DSCAM: variants seen among roughly 807,000 people sequenced by gnomAD.
DSCAM encodes the protein cell adhesion molecule DSCAM.
In DSCAM, 47 loss-of-function variants were observed where a neutral mutation model predicts 217.7. That is an observed-to-expected ratio of 0.22 (90% CI 0.17 to 0.28). DSCAM has a LOEUF of 0.28. DSCAM is among the 10% of genes least tolerant of loss of function. The pLI is 1.00. For missense variants in DSCAM, 2,080 were observed against 2,618.3 expected (o/e 0.79, Z 4.49); for synonymous variants, 1,056 against 1,015.3 (o/e 1.04, Z -0.76).
chr21:40,334,168 G>A (rs1266718909), intron 8 of DSCAM, among the ~76,000 whole-genome samples: 2 of 152,104 alleles, frequency 1.3e-5, no homozygotes, highest in Admixed American at 6.5e-5. Flanking sequence ...TCAGGCCTTG[G>A]TGTTGAACAT....
chr21:40,460,240 T>C lies in DSCAM; in HGVS notation c.509-90995A>G, dbSNP rs143899302. Among the ~76,000 whole-genome samples the C allele has an allele frequency of 1.5e-3, 235 of 152,226 alleles. 1 individual carries two copies. Among genetic ancestry groups the C allele is most frequent in the African/African-American group, 5.3e-3 (219 of 41,538 alleles). On this transcript the variant is annotated intron_variant, in intron 3 of 32. Transcript: ENST00000400454. ...CCACCATGGCACATATTTACCTATG[T>C]AACAAACCTGCACATCCTGCACAGG...
chr21:40,408,983 TC>T (rs1601620090), intron 3 of DSCAM, among the ~76,000 whole-genome samples: 1 of 152,256 alleles, frequency 6.6e-6, no homozygotes, highest in African/African-American at 2.4e-5. Flanking sequence ...TGTGTGGTTA[TC>T]TTTTTCTCTG....
chr21:40,507,066 G>A (rs1211569884), intron 3 of DSCAM, among the ~76,000 whole-genome samples: 1 of 152,118 alleles, frequency 6.6e-6, no homozygotes, highest in African/African-American at 2.4e-5. Flanking sequence ...ATCGCAAGGT[G>A]AGGAGTTAGA....
intron 4 of DSCAM, among the ~76,000 whole-genome samples, chr21:40,363,981 C>T (rs1296264934): frequency 6.6e-6 from 1 of 152,084 alleles, no homozygotes; most frequent in Non-Finnish European, 1.5e-5. Context: ...CAATGAGATA[C>T]CATCTTACAC....
rs186208496 is a variant in DSCAM at position 40,585,053 on chromosome 21, T to C, written c.508+107757A>G. Among the ~76,000 whole-genome samples, 13 of 152,190 alleles carry C rather than the reference T, an allele frequency of 8.5e-5. No individual in the cohort carries two copies. In the East Asian group the frequency reaches 2.5e-3, roughly 30 times the overall value. ...CTCGCTCTTGCTTCCTCTCTTGTCA[T>C]GTGGGAGGCCATGTCACCTTGCCTT... is the stretch of plus-strand genomic sequence containing the variant. On this transcript the variant is annotated intron_variant, in intron 3 of 32. Transcript: ENST00000400454.
Position 40,324,016 on chromosome 21 carries a change from T to C in DSCAM, c.1784-11657A>G, listed in dbSNP as rs577702203. ...TTACTTGGGAGGCTGAGGTAGAGAA[T>C]TGCTTGAACCCAGGAAGCAGAGATT... On this transcript the variant is annotated intron_variant, in intron 8 of 32. Transcript: ENST00000400454. Among the ~76,000 whole-genome samples the C allele has an allele frequency of 4.9e-5, 7 of 144,032 alleles. No individual in the cohort carries two copies. In the East Asian group the frequency reaches 8.3e-4, roughly 17 times the overall value. The allele number at this position is 144,032 out of a possible 152,430, so 94.5% of individuals were successfully genotyped here.
chr21:40,094,705 G>A (rs993122673), intron 20 of DSCAM, among the ~76,000 whole-genome samples: 2 of 152,158 alleles, frequency 1.3e-5, no homozygotes, highest in Admixed American at 6.5e-5. Flanking sequence ...CCACAAAGGG[G>A]AAATAATTAG....
At chr21:40,146,286 G>A (rs979132476) in intron 16 of DSCAM, among the ~76,000 whole-genome samples, 3 of 151,936 alleles carry the variant, frequency 2.0e-5, no homozygotes, top group Non-Finnish European at 4.4e-5. Context: ...GGCGGGGCAC[G>A]GCTCAGAGAA....
rs187053971 is a variant in DSCAM at position 40,571,757 on chromosome 21, A to C, written c.508+121053T>G. On this transcript the variant is annotated intron_variant, in intron 3 of 32. Coordinates refer to ENST00000400454, the MANE Select transcript of DSCAM (RefSeq NM_001389.5). ...CCAGTCCAAATATCCAAAATCTGAA[A>C]TATTCCCATTTTAGTAGAGATGAGG... Among the ~76,000 whole-genome samples, 20 of 152,294 alleles carry C rather than the reference A, an allele frequency of 1.3e-4. 1 individual carries two copies. The highest frequency in any genetic ancestry group is 1.3e-3 in the Admixed American group (20 of 15,294).
intron 11 of DSCAM, among the ~76,000 whole-genome samples, chr21:40,230,035 G>C (rs1223565135): frequency 6.6e-6 from 1 of 152,208 alleles, no homozygotes; most frequent in Admixed American, 6.5e-5. Context: ...TATTCTAATA[G>C]ATGCACAGTA....
chr21:40,674,622 T>A (rs1375218106), intron 3 of DSCAM, among the ~76,000 whole-genome samples: 1 of 101,436 alleles, frequency 9.9e-6, no homozygotes, highest in African/African-American at 3.6e-5. Context: ...TTCTTTTTCT[T>A]TTTCTTTTTC....
intron 3 of DSCAM, among the ~76,000 whole-genome samples, chr21:40,599,926 T>C (rs1350793567): frequency 6.6e-6 from 1 of 152,162 alleles, no homozygotes; most frequent in Admixed American, 6.5e-5. Flanking sequence ...AATCTCTGGA[T>C]AGACCAATAA....
chr21:40,158,416 A>C (rs1417117642), intron 16 of DSCAM, among the ~76,000 whole-genome samples: 1 of 152,158 alleles, frequency 6.6e-6, no homozygotes, highest in Non-Finnish European at 1.5e-5. Flanking sequence ...AAAACAAAAA[A>C]ACAAAAGAAA....
chr21:40,185,018 G>A (rs1474773636), intron 14 of DSCAM, among the ~76,000 whole-genome samples: 1 of 152,176 alleles, frequency 6.6e-6, no homozygotes, highest in Non-Finnish European at 1.5e-5. Flanking sequence ...CACATGTTGG[G>A]TGCGGTGCTG....
chr21:40,101,627 T>C (rs1415530470), intron 20 of DSCAM, among the ~76,000 whole-genome samples: 2 of 152,130 alleles, frequency 1.3e-5, no homozygotes, highest in Non-Finnish European at 2.9e-5. Flanking sequence ...ACCGATGTCA[T>C]GTAACAGGGG....
At chr21:40,650,386 G>C (rs914000732) in intron 3 of DSCAM, among the ~76,000 whole-genome samples, 2 of 152,240 alleles carry the variant, frequency 1.3e-5, no homozygotes, top group Non-Finnish European at 2.9e-5. Context: ...GTGTCAACTT[G>C]ACTGGGTTAA....
chr21:40,476,278 G>C (rs1346738738), intron 3 of DSCAM, among the ~76,000 whole-genome samples: 4 of 152,198 alleles, frequency 2.6e-5, no homozygotes, highest in African/African-American at 9.7e-5. Context: ...TCAACTCTGA[G>C]TTTGAGCTAC....
At chr21:40,053,346 C>CG (rs1568915237) in intron 29 of DSCAM, among the ~76,000 whole-genome samples, 3 of 152,196 alleles carry the variant, frequency 2.0e-5, no homozygotes, top group African/African-American at 7.2e-5. Flanking sequence ...GGCGGTCACT[C>CG]GACTCCTCAA....
At chr21:40,622,552 A>G (rs560151726) in intron 3 of DSCAM, among the ~76,000 whole-genome samples, 1 of 152,238 alleles carries the variant, frequency 6.6e-6, no homozygotes, top group East Asian at 1.9e-4. Context: ...CCCCATTTCA[A>G]CTGTTTATAA....
Sources: allele counts gnomAD v4.1 joint callset (sites outside exome capture counted in the v4.1 genomes callset), GRCh38; gene constraint gnomAD v4.1.1; transcripts MANE v1.5; gene names NCBI Gene and HGNC (gene_info 2026-07-23, HGNC 2026-07-21).